The following CNMD variants were observed in gnomAD, a reference collection of about 807,000 sequenced individuals.
CNMD encodes leukocyte cell-derived chemotaxin 1.
A neutral mutation model predicts 37.5 loss-of-function variants in CNMD; 30 were observed. The observed-to-expected ratio is 0.80, with a 90% CI of 0.60 to 1.09. CNMD has a LOEUF of 1.09. Among genes scored for constraint, CNMD ranks in the 50% least tolerant of loss-of-function variants. The probability of loss-of-function intolerance (pLI) is 0.00; values close to 1 mark genes in which losing one functional copy is unlikely to be tolerated. For synonymous variants in CNMD, 167 were observed against 148.2 expected (o/e 1.13, Z -0.92); for missense variants, 398 against 423.9 (o/e 0.94, Z 0.54).
intron 4 of CNMD, among the ~76,000 whole-genome samples, chr13:52,721,624 A>G (rs770521908): frequency 2.6e-5 from 4 of 152,126 alleles, no homozygotes; most frequent in Non-Finnish European, 4.4e-5. Flanking sequence ...GGCTGCACCC[A>G]CTGTCTAACC....
At chr13:52,728,067 T>C (rs145266274) in intron 3 of CNMD, among the ~76,000 whole-genome samples, 5 of 152,220 alleles carry the variant, frequency 3.3e-5, no homozygotes, top group Non-Finnish European at 7.4e-5. Context: ...TATAAAATAT[T>C]ATGTAACAAT....
At chr13:52,715,779 C>G (rs902690969) in intron 4 of CNMD, among the ~76,000 whole-genome samples, 6 of 152,164 alleles carry the variant, frequency 3.9e-5, no homozygotes, top group African/African-American at 1.2e-4. Flanking sequence ...GGTTCCAAGT[C>G]TTTGCTATTG....
intron 4 of CNMD, among the ~76,000 whole-genome samples, chr13:52,717,617 T>C (rs1446753911): frequency 6.6e-6 from 1 of 152,222 alleles, no homozygotes; most frequent in Non-Finnish European, 1.5e-5. Flanking sequence ...TTTTTGTCAT[T>C]GGTTCTGTTT....
intron 4 of CNMD, among the ~76,000 whole-genome samples, chr13:52,717,849 G>A (rs1964415996): frequency 6.6e-6 from 1 of 152,090 alleles, no homozygotes; most frequent in Non-Finnish European, 1.5e-5. Context: ...GGATGATGCT[G>A]GTCTCATAAA....
intron 3 of CNMD, among the ~76,000 whole-genome samples, chr13:52,726,556 G>C (rs1269239831): frequency 6.8e-6 from 1 of 147,594 alleles, no homozygotes; most frequent in Non-Finnish European, 1.5e-5. Context: ...CATGCACCCA[G>C]AATGAAAGCT....
At position 52,724,070 on chromosome 13, in the gene CNMD, T is replaced by A. The variant is rs1336715278; in HGVS notation, c.395A>T (p.Tyr132Phe). The A allele has an allele frequency of 6.2e-7, 1 of 1,614,086 alleles. No individual in the cohort carries two copies. Among genetic ancestry groups the A allele is most frequent in the South Asian group, 1.1e-5 (1 of 91,084 alleles). The change falls in exon 4 of 7, where the codon TAC becomes TTC. Residue 132 changes from tyrosine to phenylalanine, a missense_variant. Physicochemically the swap from Tyr to Phe is conservative, Grantham distance 22. Transcript: ENST00000377962. ...ACGAGCCTTCACTTGCGCTTTAATG[T>A]AGCACTTCTCTCCTCCAGCAAAACG... ...GIRFAGGEKC[Y>F]IKAQVKARIP... is the part of the protein sequence containing the mutation.
intron 5 of CNMD, among the ~76,000 whole-genome samples, chr13:52,710,124 A>C (rs754076992): frequency 1.3e-5 from 2 of 152,208 alleles, no homozygotes; most frequent in Non-Finnish European, 2.9e-5. Flanking sequence ...AGTGTGTTGC[A>C]TATAATAAGC....
chr13:52,707,417 G>C lies in CNMD; in HGVS notation c.789+1119C>G, dbSNP rs546644111. Among the ~76,000 whole-genome samples, 8 of 148,504 alleles carry C rather than the reference G, an allele frequency of 5.4e-5. No individual in the cohort carries two copies. In the South Asian group the frequency reaches 1.6e-3, roughly 29 times the overall value. On this transcript the variant is annotated intron_variant, in intron 6 of 6. Transcript: ENST00000377962. ...AGCCCCTGAGGGCAGATGACACCTC[G>C]TGTCATCCTCACAAACATCACTTTT...
intron 5 of CNMD, among the ~76,000 whole-genome samples, chr13:52,711,914 G>C (rs1566219827): frequency 6.7e-6 from 1 of 149,790 alleles, no homozygotes; most frequent in Non-Finnish European, 1.5e-5. Context: ...GGTTTTAAAG[G>C]CCTATATTTT....
intron 2 of CNMD, among the ~76,000 whole-genome samples, chr13:52,737,227 G>C (rs768303047): frequency 2.6e-5 from 4 of 152,130 alleles, no homozygotes; most frequent in Admixed American, 2.0e-4. Context: ...AAGCAGACCT[G>C]TGCATGTGCT....
chr13:52,722,322 G>T (rs1374459923), intron 4 of CNMD, among the ~76,000 whole-genome samples: 2 of 152,100 alleles, frequency 1.3e-5, no homozygotes, highest in Non-Finnish European at 2.9e-5. Context: ...GCTCCTATGG[G>T]GGCAAACAAT....
chr13:52,733,286 T>G lies in CNMD; in HGVS notation c.287A>C (p.Asn96Thr), dbSNP rs1380585171. ...QDGSMEIDAG[N>T]NLETFKMGSG... is the part of the protein sequence containing the mutation. Reference sequence around the variant, plus strand: ...TCCCATTTTAAAGGTCTCCAAGTTGTTCCCAGCGTCTATTTCCATTGACCC... The same window carrying G: ...TCCCATTTTAAAGGTCTCCAAGTTGGTCCCAGCGTCTATTTCCATTGACCC... The change falls in exon 3 of 7, where the codon AAC becomes ACC. Residue 96 changes from asparagine (N) to threonine (T), a missense_variant. Asn to Thr is a moderately conservative substitution (Grantham distance 65). Transcript: ENST00000377962. The G allele has an allele frequency of 1.9e-6, 3 of 1,613,824 alleles. No individual in the cohort carries two copies. In the African/African-American group the frequency reaches 4.0e-5, roughly 22 times the overall value.
chr13:52,730,706 G>C (rs867458105), intron 3 of CNMD, among the ~76,000 whole-genome samples: 3 of 152,028 alleles, frequency 2.0e-5, no homozygotes, highest in Non-Finnish European at 4.4e-5. Flanking sequence ...TATATAAATG[G>C]GGCATTCAGT....
At chr13:52,724,417 CAA>C (rs71094319) in intron 3 of CNMD, among the ~76,000 whole-genome samples, 5 of 85,812 alleles carry the variant, frequency 5.8e-5, no homozygotes, top group African/African-American at 2.4e-4. Context: ...ACTAAAAATA[CAA>C]AAAAAAAAAA....
intron 2 of CNMD, among the ~76,000 whole-genome samples, chr13:52,736,075 GCTCCGC>G (rs1471076290): frequency 6.7e-6 from 1 of 149,398 alleles, no homozygotes; most frequent in Non-Finnish European, 1.5e-5. Context: ...CTCACTGCAA[GCTCCGC>G]CTCCTGGGTT....
chr13:52,724,085 C>T lies in CNMD; in HGVS notation c.380G>A (p.Gly127Glu), dbSNP rs881482. 2.5e-6 allele frequency: 4 copies of T among 1,613,812 alleles called. No homozygotes were observed. Among genetic ancestry groups the T allele is most frequent in the Admixed American group, 1.7e-5 (1 of 59,998 alleles). Residue 127 changes from glycine to glutamate, a missense_variant, in exon 4 of 7, where the codon GGA becomes GAA. Gly to Glu is a moderately conservative substitution (Grantham distance 98, BLOSUM62 -2). Coordinates refer to ENST00000377962, the MANE Select transcript of CNMD (RefSeq NM_007015.3). ...CGCTTTAATGTAGCACTTCTCTCCT[C>T]CAGCAAAACGAATTCCTGTGATGCC... is the stretch of plus-strand genomic sequence containing the variant. ...QNGITGIRFA[G>E]GEKCYIKAQV... is the part of the protein sequence containing the mutation.
intron 5 of CNMD, among the ~76,000 whole-genome samples, chr13:52,711,721 A>T (rs534076046): frequency 6.6e-6 from 1 of 152,336 alleles, no homozygotes; most frequent in Admixed American, 6.5e-5. Flanking sequence ...ATTGTAAAAT[A>T]TACATAACGA....
At chr13:52,730,153 C>T (rs1165985497) in intron 3 of CNMD, among the ~76,000 whole-genome samples, 7 of 152,070 alleles carry the variant, frequency 4.6e-5, no homozygotes, top group Non-Finnish European at 8.8e-5. Flanking sequence ...GACATGAACT[C>T]ATCATTTTTT....
At chr13:52,733,587 T>C (rs1258433483) in intron 2 of CNMD, 4 of 602,156 alleles carry the variant, frequency 6.6e-6, no homozygotes, top group African/African-American at 5.5e-5. Context: ...CTCTGACACC[T>C]ATTCCAATAG....
Sources: gnomAD v4.1 joint callset for allele counts (sites outside exome capture counted in the v4.1 genomes callset) on GRCh38, gnomAD v4.1.1 for gene constraint, MANE v1.5 for transcripts, NCBI Gene and HGNC (gene_info 2026-07-23, HGNC 2026-07-21) for gene names.